The following INPP5A variants were observed in gnomAD, a reference collection of about 807,000 sequenced individuals.
INPP5A encodes 43 kDa inositol polyphosphate 5-phophatase.
A neutral mutation model predicts 65.2 loss-of-function variants in INPP5A; 14 were observed. That is an observed-to-expected ratio of 0.21 (90% CI 0.14 to 0.34). The LOEUF (loss-of-function observed/expected upper bound fraction) is 0.34, where lower values mean the gene tolerates loss of function less well. Among genes scored for constraint, INPP5A ranks in the 10% least tolerant of loss-of-function variants. The pLI is 1.00. For missense variants in INPP5A, 431 were observed against 545.6 expected (o/e 0.79, Z 2.09); for synonymous variants, 207 against 208.3 (o/e 0.99, Z 0.05).
At position 132,650,376 on chromosome 10, in the gene INPP5A, T is replaced by C. The variant is rs752724435; in HGVS notation, c.219-42T>C. On this transcript the variant is annotated intron_variant, in intron 3 of 15. Coordinates refer to ENST00000368594, the MANE Select transcript of INPP5A (RefSeq NM_005539.5). This position sits in a 1 kb window ranked among gnomAD's most constrained non-coding sequence, Gnocchi z 5.5. Reference sequence around the variant, plus strand: ...TGGTCATCTCATGAGGTGCAAGGCGTCTGTGTGGCTTTTCCTCAGGAACCT... The same window carrying C: ...TGGTCATCTCATGAGGTGCAAGGCGCCTGTGTGGCTTTTCCTCAGGAACCT... 7.2e-7 allele frequency: 1 copy of C among 1,394,718 alleles called. No individual in the cohort carries two copies. The highest frequency in any genetic ancestry group is 1.2e-5 in the South Asian group (1 of 86,628). 86.4% of individuals were successfully genotyped at this position (1,394,718 alleles called of 1,614,324 possible). A position where few individuals can be genotyped will look rare whatever the true frequency, so the allele number is the denominator to read the frequency against.
chr10:132,713,043 TG>T (rs1441810411), intron 8 of INPP5A, among the ~76,000 whole-genome samples: 6 of 151,056 alleles, frequency 4.0e-5, no homozygotes, highest in Non-Finnish European at 7.4e-5. Context: ...TGCGTGTGTG[TG>T]GGTGTGTGTG....
In INPP5A at chr10:132,555,329, C is replaced by G. The variant is rs1463408882; in HGVS notation, c.75+17158C>G. Among the ~76,000 whole-genome samples the G allele has an allele frequency of 6.6e-6, 1 of 152,168 alleles. No individual in the cohort carries two copies. The highest frequency in any genetic ancestry group is 2.1e-4 in the South Asian group (1 of 4,818). On this transcript the variant is annotated intron_variant, in intron 1 of 15. Transcript: ENST00000368594. This position sits in a 1 kb window ranked among gnomAD's most constrained non-coding sequence, Gnocchi z 4.4. ...AGATGTCGTAGGAGAGGCTGTTGTC[C>G]CCTGAGTACGTTCACCCCATTTTAC...
intron 8 of INPP5A, among the ~76,000 whole-genome samples, chr10:132,713,857 C>T (rs895749844): frequency 6.6e-6 from 1 of 152,182 alleles, no homozygotes; most frequent in Non-Finnish European, 1.5e-5. Flanking sequence ...GGAAGCAGCA[C>T]AGGTGGGGGA....
At chr10:132,779,540 C>T (rs570869513) in intron 13 of INPP5A, among the ~76,000 whole-genome samples, 2 of 152,376 alleles carry the variant, frequency 1.3e-5, no homozygotes, top group South Asian at 4.1e-4. Context: ...CGTTGCAGCC[C>T]GTTTTCCATT....
rs977159630 is a variant in INPP5A at position 132,555,383 on chromosome 10, CCTAT to C, written c.75+17215_75+17218del. 3.3e-5 allele frequency among the ~76,000 whole-genome samples: 5 copies of C among 151,984 alleles called. No individual in the cohort carries two copies. Among genetic ancestry groups the C allele is most frequent in the Admixed American group, 2.6e-4 (4 of 15,262 alleles). On this transcript the variant is annotated intron_variant, in intron 1 of 15. Coordinates refer to ENST00000368594, the MANE Select transcript of INPP5A (RefSeq NM_005539.5). The surrounding 1 kb of genome is among the most constrained non-coding windows in gnomAD (Gnocchi z 4.4). ...CGCTGGCCCAGTGGAGCTGCTGGGG[CCTAT>C]CTGTTTTTTTGAACTTCTGATAAGT...
At chr10:132,544,552 G>C (rs1249213792) in intron 1 of INPP5A, among the ~76,000 whole-genome samples, 2 of 152,176 alleles carry the variant, frequency 1.3e-5, no homozygotes, top group African/African-American at 4.8e-5. Flanking sequence ...CTGCCGGGCA[G>C]GGAGGGTTAA....
intron 11 of INPP5A, among the ~76,000 whole-genome samples, chr10:132,754,991 G>A (rs139574499): frequency 2.0e-5 from 3 of 152,346 alleles, no homozygotes; most frequent in Middle Eastern, 3.4e-3. Context: ...GCGGACGTGT[G>A]TGAGCAGGCA....
chr10:132,715,463 A>C (rs568616261), intron 8 of INPP5A, among the ~76,000 whole-genome samples: 9 of 152,348 alleles, frequency 5.9e-5, no homozygotes, highest in African/African-American at 2.2e-4. Context: ...AAAGGAAATG[A>C]TTGCCAGAAA....
At chr10:132,734,012 C>T (rs534853511) in intron 9 of INPP5A, among the ~76,000 whole-genome samples, 32 of 152,344 alleles carry the variant, frequency 2.1e-4, no homozygotes, top group Non-Finnish European at 4.0e-4. Flanking sequence ...AGGCCCAGGG[C>T]CCAGGCAGCG....
intron 8 of INPP5A, among the ~76,000 whole-genome samples, chr10:132,720,570 T>C (rs1456635882): frequency 6.7e-6 from 1 of 149,406 alleles, no homozygotes; most frequent in African/African-American, 2.5e-5. Context: ...GGTTCTGTGG[T>C]ACCTCGGTTC....
intron 5 of INPP5A, among the ~76,000 whole-genome samples, chr10:132,691,185 G>A (rs1157742464): frequency 1.3e-5 from 2 of 152,158 alleles, no homozygotes; most frequent in South Asian, 2.1e-4. Flanking sequence ...GTGAAATTGC[G>A]CGGTAGTCTT....
At chr10:132,712,266 G>A (rs528282728) in intron 8 of INPP5A, among the ~76,000 whole-genome samples, 23 of 152,160 alleles carry the variant, frequency 1.5e-4, no homozygotes, top group Admixed American at 1.2e-3. Flanking sequence ...GTATGTAATT[G>A]TGTGTGTGCA....
At chr10:132,682,644 G>A (rs2073062043) in intron 4 of INPP5A, among the ~76,000 whole-genome samples, 1 of 152,262 alleles carries the variant, frequency 6.6e-6, no homozygotes, top group Admixed American at 6.5e-5. Flanking sequence ...TGTGTCTGTG[G>A]TGACCCAGCA....
chr10:132,781,559 C>T (rs1025734827), intron 14 of INPP5A, among the ~76,000 whole-genome samples: 25 of 152,210 alleles, frequency 1.6e-4, no homozygotes, highest in Admixed American at 1.4e-3. Flanking sequence ...CATTTGGGGC[C>T]TATTTAGCCA....
chr10:132,733,731 C>G (rs1405800464), intron 9 of INPP5A, among the ~76,000 whole-genome samples: 1 of 152,036 alleles, frequency 6.6e-6, no homozygotes, highest in African/African-American at 2.4e-5. Context: ...CCTCCCTCTG[C>G]GTGTGAACGG....
chr10:132,679,866 G>T lies in INPP5A; in HGVS notation c.307-10526G>T, dbSNP rs532103423. ...TGACAAGGGTGCAAGAGCATTCCAT[G>T]GGAGAGGACAGCCTCCAGCCAGTGG... On this transcript the variant is annotated intron_variant, in intron 4 of 15. Transcript: ENST00000368594. Among the ~76,000 whole-genome samples, 8 of 152,348 alleles carry T rather than the reference G, an allele frequency of 5.3e-5. No individual in the cohort carries two copies. The South Asian group carries it at 1.4e-3, about 28-fold the overall frequency.
rs1393676326 is a variant in INPP5A at position 132,627,026 on chromosome 10, G to T, written c.118-18842G>T. On this transcript the variant is annotated intron_variant, in intron 2 of 15. Transcript: ENST00000368594. This position sits in a 1 kb window ranked among gnomAD's most constrained non-coding sequence, Gnocchi z 6.6. Reference sequence around the variant, plus strand: ...GGGGGTGGGCCCTTTGGGAGGTGATGGGGTGAGATGAGGTTATGCGGTGGG... The same window carrying T: ...GGGGGTGGGCCCTTTGGGAGGTGATTGGGTGAGATGAGGTTATGCGGTGGG... Among the ~76,000 whole-genome samples, 1 of 152,166 alleles carries T rather than the reference G, an allele frequency of 6.6e-6. No individual in the cohort carries two copies. The highest frequency in any genetic ancestry group is 2.4e-5 in the African/African-American group (1 of 41,422).
intron 11 of INPP5A, among the ~76,000 whole-genome samples, chr10:132,756,153 G>A (rs1383635816): frequency 6.6e-6 from 1 of 152,216 alleles, no homozygotes; most frequent in Non-Finnish European, 1.5e-5. Context: ...GAATTGAAGA[G>A]AAAAGCAAGT....
intron 2 of INPP5A, among the ~76,000 whole-genome samples, chr10:132,612,500 G>A (rs534477307): frequency 3.3e-5 from 5 of 152,070 alleles, no homozygotes; most frequent in African/African-American, 7.2e-5. Context: ...TTGGGGGTTC[G>A]GGGAGGCTGT....
Sources: allele counts gnomAD v4.1 joint callset (sites outside exome capture counted in the v4.1 genomes callset), GRCh38; gene constraint gnomAD v4.1.1; non-coding constraint Gnocchi (gnomAD v3.1); transcripts MANE v1.5; gene names NCBI Gene and HGNC (gene_info 2026-07-23, HGNC 2026-07-21).